The following RALY variants were observed in gnomAD, a reference collection of about 807,000 sequenced individuals.
RALY encodes RALY heterogeneous nuclear ribonucleoprotein.
In RALY, 15 loss-of-function variants were observed where a neutral mutation model predicts 30.7. The ratio of observed to expected loss-of-function variants is 0.49; its 90% CI spans 0.33 to 0.75. The LOEUF is 0.75. Among genes scored for constraint, RALY ranks in the 30% least tolerant of loss-of-function variants. RALY has a pLI of 0.02. For synonymous variants in RALY, 177 were observed against 170.8 expected (o/e 1.04, Z -0.28); for missense variants, 339 against 414.3 (o/e 0.82, Z 1.58).
At chr20:33,997,708 G>T (rs1369944369) in intron 1 of RALY, among the ~76,000 whole-genome samples, 1 of 152,186 alleles carries the variant, frequency 6.6e-6, no homozygotes, top group Non-Finnish European at 1.5e-5. Context: ...GGAGTTAGAT[G>T]CTGCATATAG....
At chr20:33,997,874 A>G (rs2030715103) in intron 1 of RALY, among the ~76,000 whole-genome samples, 1 of 152,158 alleles carries the variant, frequency 6.6e-6, no homozygotes, top group African/African-American at 2.4e-5. Flanking sequence ...CAAACACATG[A>G]TCATGTGTCT....
chr20:34,042,758 C>T (rs1196134701), intron 2 of RALY, among the ~76,000 whole-genome samples: 6 of 152,150 alleles, frequency 3.9e-5, no homozygotes, highest in Non-Finnish European at 5.9e-5. Flanking sequence ...ATTTTATCTG[C>T]GTATTAAAGG....
chr20:34,014,807 A>G (rs1021656130), intron 1 of RALY, among the ~76,000 whole-genome samples: 8 of 152,234 alleles, frequency 5.3e-5, no homozygotes, highest in Admixed American at 4.6e-4. Flanking sequence ...AAAACATGGT[A>G]TTGGTTGTTA....
chr20:34,033,678 A>G (rs536159022), intron 2 of RALY, among the ~76,000 whole-genome samples: 1 of 152,166 alleles, frequency 6.6e-6, no homozygotes, highest in African/African-American at 2.4e-5. Context: ...CAACGATCCA[A>G]ACCTCCCATT....
intron 2 of RALY, among the ~76,000 whole-genome samples, chr20:34,051,558 G>A (rs776525544): frequency 1.3e-5 from 2 of 152,098 alleles, no homozygotes; most frequent in Non-Finnish European, 2.9e-5. Context: ...ATAGGATAGC[G>A]TTTTCAGTAT....
chr20:34,003,885 C>T lies in RALY; in HGVS notation c.-93+9754C>T, dbSNP rs925726513. On this transcript the variant is annotated intron_variant, in intron 1 of 9. Transcript: ENST00000246194. ...CGATCTCCTGACCTCGTGATCCGCC[C>T]GCCTCCGCCTCCCAAAGTGCTGGGA... Among the ~76,000 whole-genome samples, 8 of 152,136 alleles carry T rather than the reference C, an allele frequency of 5.3e-5. No homozygotes were observed. The South Asian group carries it at 6.2e-4, about 12-fold the overall frequency.
At chr20:34,072,024 C>T (rs573493637) in intron 2 of RALY, 42 bp from the exon 3 acceptor site, 1 of 1,596,760 alleles carries the variant, frequency 6.3e-7, no homozygotes, top group Admixed American at 1.7e-5. Flanking sequence ...GTCCTTGAGC[C>T]CAGCCCAGGG....
intron 1 of RALY, chr20:33,994,412 G>A (rs1348550411): frequency 6.6e-6 from 1 of 152,392 alleles, no homozygotes; most frequent in Non-Finnish European, 1.5e-5. Flanking sequence ...TGGGCCAGTA[G>A]TTGGCTGGGT....
At chr20:34,061,278 T>C (rs2033409292) in intron 2 of RALY, among the ~76,000 whole-genome samples, 1 of 152,112 alleles carries the variant, frequency 6.6e-6, no homozygotes, top group Non-Finnish European at 1.5e-5. Context: ...AAGTGTTTGG[T>C]GGCAAGTCCT....
chr20:34,040,206 CTGTT>C (rs2032648568), intron 2 of RALY, among the ~76,000 whole-genome samples: 1 of 152,136 alleles, frequency 6.6e-6, no homozygotes, highest in Non-Finnish European at 1.5e-5. Context: ...GTGAAGTCAC[CTGTT>C]CAGGTTCAGG....
At chr20:34,014,656 TG>T (rs1275294192) in intron 1 of RALY, among the ~76,000 whole-genome samples, 3 of 152,212 alleles carry the variant, frequency 2.0e-5, no homozygotes, top group African/African-American at 7.2e-5. Flanking sequence ...TTGAAACTAT[TG>T]TTACTTAAAT....
At chr20:34,009,173 T>C (rs572215330) in intron 1 of RALY, among the ~76,000 whole-genome samples, 57 of 152,042 alleles carry the variant, frequency 3.7e-4, no homozygotes, top group African/African-American at 1.1e-3. Context: ...GGGGTAGGCC[T>C]GTCTTCTCCT....
chr20:33,999,494 G>T (rs925442442), intron 1 of RALY, among the ~76,000 whole-genome samples: 2 of 152,144 alleles, frequency 1.3e-5, no homozygotes, highest in Non-Finnish European at 2.9e-5. Context: ...AGACATCCGG[G>T]TGTGGCACAG....
chr20:34,022,394 T>G (rs1293212695), intron 1 of RALY, among the ~76,000 whole-genome samples: 2 of 152,114 alleles, frequency 1.3e-5, no homozygotes, highest in South Asian at 2.1e-4. Context: ...TCAAAGCAGC[T>G]GATGTTGTGG....
At chr20:34,058,420 T>C (rs1174966855) in intron 2 of RALY, among the ~76,000 whole-genome samples, 1 of 152,152 alleles carries the variant, frequency 6.6e-6, no homozygotes, top group African/African-American at 2.4e-5. Context: ...GGGGTCAGGG[T>C]GGCAGCTTCA....
At chr20:34,073,958 G>A (rs1379520008) in intron 5 of RALY, 92 bp downstream of exon 5, 27 of 1,436,140 alleles carry the variant, frequency 1.9e-5, no homozygotes, top group Non-Finnish European at 2.5e-5. Context: ...TTCTCCAAAT[G>A]AGAACCAAAA....
chr20:34,001,237 A>C (rs1362478947), intron 1 of RALY, among the ~76,000 whole-genome samples: 1 of 152,214 alleles, frequency 6.6e-6, no homozygotes, highest in Non-Finnish European at 1.5e-5. Flanking sequence ...TATGTAGCAA[A>C]CTGTTTAAAA....
intron 1 of RALY, among the ~76,000 whole-genome samples, chr20:34,028,705 CAAAAAAAAA>C (rs71338492): frequency 4.9e-4 from 10 of 20,436 alleles, no homozygotes; most frequent in South Asian, 2.9e-3. Context: ...GACTCCATCT[CAAAAAAAAA>C]AAAAAAAAAA....
At chr20:34,075,682 G>A (rs2033854109) in intron 5 of RALY, among the ~76,000 whole-genome samples, 192 bp from the exon 6 acceptor site, 1 of 152,272 alleles carries the variant, frequency 6.6e-6, no homozygotes, top group Admixed American at 6.5e-5. Flanking sequence ...TAGTGAGGTA[G>A]TGAGGATCCC....
Sources: allele counts gnomAD v4.1 joint callset (sites outside exome capture counted in the v4.1 genomes callset), GRCh38; gene constraint gnomAD v4.1.1; transcripts MANE v1.5; gene names NCBI Gene and HGNC (gene_info 2026-07-23, HGNC 2026-07-21).